The following DMTF1 variants were observed in gnomAD, a reference collection of about 807,000 sequenced individuals.
DMTF1 encodes the protein cyclin-D-binding Myb-like transcription factor 1.
Under a neutral mutation model 91.1 loss-of-function variants are expected in DMTF1, and 39 were observed. The ratio of observed to expected loss-of-function variants is 0.43; its 90% CI spans 0.33 to 0.56. DMTF1 has a LOEUF of 0.56. Among genes scored for constraint, DMTF1 ranks in the 20% least tolerant of loss-of-function variants. The pLI is 0.05. For synonymous variants in DMTF1, 338 were observed against 309.5 expected (o/e 1.09, Z -0.97); for missense variants, 750 against 914.5 (o/e 0.82, Z 2.32).
At chr7:87,166,894 T>C (rs1050486872) in intron 4 of DMTF1, among the ~76,000 whole-genome samples, 1 of 152,164 alleles carries the variant, frequency 6.6e-6, no homozygotes, top group Non-Finnish European at 1.5e-5. Flanking sequence ...AATTACAAAA[T>C]GTCCTCAAAA....
intron 4 of DMTF1, among the ~76,000 whole-genome samples, chr7:87,170,417 A>C (rs983026930): frequency 6.6e-6 from 1 of 152,224 alleles, no homozygotes; most frequent in African/African-American, 2.4e-5. Flanking sequence ...CTTCTGGCTT[A>C]CAAGGGCTTA....
chr7:87,189,469 C>T (rs1799244793), intron 13 of DMTF1, among the ~76,000 whole-genome samples: 1 of 152,078 alleles, frequency 6.6e-6, no homozygotes, highest in African/African-American at 2.4e-5. Flanking sequence ...ATTGATTGGG[C>T]ATGTTAGTTT....
chr7:87,183,521 ATAGGAGAG>A (rs1295903653), intron 10 of DMTF1, among the ~76,000 whole-genome samples: 1 of 152,188 alleles, frequency 6.6e-6, no homozygotes, highest in Admixed American at 6.5e-5. Flanking sequence ...GCATGCTAGA[ATAGGAGAG>A]TAGAACTTTG....
intron 7 of DMTF1, among the ~76,000 whole-genome samples, chr7:87,176,056 G>A (rs2108271): frequency 0.84 from 128,293 of 152,190 alleles, 54,307 homozygotes; most frequent in Middle Eastern, 0.96. Flanking sequence ...GATGGTGTAC[G>A]GTGTTTAACC....
chr7:87,182,271 G>A lies in DMTF1; in HGVS notation c.754G>A (p.Ala252Thr). Residue 252 changes from alanine (A) to threonine (T), a missense_variant, in exon 10 of 18, where the codon GCG (alanine) becomes ACG (threonine). Coordinates refer to ENST00000331242, the MANE Select transcript of DMTF1 (RefSeq NM_001142327.2). ...HGNDWATIGA[A>T]LGRSASSVKD... ...CAATGACTGGGCAACAATAGGGGCG[G>A]CGCTAGGAAGAAGTGCATCTTCTGT... 6.2e-7 allele frequency: 1 copy of A among 1,614,130 alleles called. No homozygotes were observed. Among genetic ancestry groups the A allele is most frequent in the Non-Finnish European group, 8.5e-7 (1 of 1,179,988 alleles).
chr7:87,168,337 T>C (rs992842540), intron 4 of DMTF1, among the ~76,000 whole-genome samples: 1 of 152,160 alleles, frequency 6.6e-6, no homozygotes, highest in Non-Finnish European at 1.5e-5. Context: ...TCTTATTCCT[T>C]TTGTTCTCCA....
chr7:87,161,896 A>G (rs1792524063), intron 1 of DMTF1, among the ~76,000 whole-genome samples: 1 of 152,220 alleles, frequency 6.6e-6, no homozygotes, highest in Admixed American at 6.5e-5. Context: ...ATTTTTTGGG[A>G]AAATATATTG....
chr7:87,189,860 T>A (rs1799340748), intron 13 of DMTF1, among the ~76,000 whole-genome samples: 1 of 152,138 alleles, frequency 6.6e-6, no homozygotes, highest in Admixed American at 6.6e-5. Flanking sequence ...CTAACCTTGA[T>A]TTAGTTTTAT....
intron 11 of DMTF1, chr7:87,184,926 A>G (rs1368703780): frequency 4.0e-6 from 2 of 501,674 alleles, no homozygotes; most frequent in African/African-American, 3.9e-5. Flanking sequence ...TAGCTTTTCC[A>G]CTGTCCCACC....
At chr7:87,182,713 CAGTG>C (rs1797625832) in intron 10 of DMTF1, among the ~76,000 whole-genome samples, 1 of 152,194 alleles carries the variant, frequency 6.6e-6, no homozygotes, top group Non-Finnish European at 1.5e-5. Context: ...AACAGCTAAT[CAGTG>C]AGTGTTTATG....
intron 6 of DMTF1, among the ~76,000 whole-genome samples, chr7:87,174,012 G>A (rs2129108869): frequency 6.6e-6 from 1 of 152,260 alleles, no homozygotes; most frequent in African/African-American, 2.4e-5. Flanking sequence ...AGAGGCTCAA[G>A]GTAACATAGT....
At chr7:87,157,086 A>G (rs191791096) in intron 1 of DMTF1, among the ~76,000 whole-genome samples, 1 of 152,246 alleles carries the variant, frequency 6.6e-6, no homozygotes, top group East Asian at 1.9e-4. Context: ...TAGAAAGAAC[A>G]TGAATGATTT....
chr7:87,187,930 ATGT>A (rs1206498360), intron 12 of DMTF1, 159 bp from the exon 13 acceptor site: 5 of 595,812 alleles, frequency 8.4e-6, no homozygotes, highest in South Asian at 6.5e-5. Flanking sequence ...ATCTCAGGAT[ATGT>A]TGTTTTTTAA....
intron 7 of DMTF1, among the ~76,000 whole-genome samples, chr7:87,176,428 T>G (rs879518531): frequency 1.3e-5 from 2 of 152,216 alleles, no homozygotes; most frequent in African/African-American, 2.4e-5. Context: ...TTAAGCTGGT[T>G]TCTTGTCTAG....
intron 1 of DMTF1, among the ~76,000 whole-genome samples, chr7:87,157,251 A>C (rs1233934427): frequency 6.6e-6 from 1 of 152,150 alleles, no homozygotes; most frequent in Non-Finnish European, 1.5e-5. Context: ...TGTAGCTTGC[A>C]AGATTTCACA....
chr7:87,174,438 A>G (rs1268579968), intron 6 of DMTF1, among the ~76,000 whole-genome samples, 155 bp from the exon 7 acceptor site: 2 of 152,194 alleles, frequency 1.3e-5, no homozygotes, highest in Middle Eastern at 3.2e-3. Context: ...TACAAAAGCA[A>G]GTTTACCTAG....
chr7:87,174,963 GTTTAA>G (rs1260763456), intron 7 of DMTF1, among the ~76,000 whole-genome samples: 1 of 150,754 alleles, frequency 6.6e-6, no homozygotes, highest in African/African-American at 2.4e-5. Context: ...AGCCTATAGA[GTTTAA>G]TTTATTTTGT....
At chr7:87,186,743 C>G (rs1261951820) in intron 12 of DMTF1, 1 of 152,210 alleles carries the variant, frequency 6.6e-6, no homozygotes, top group Non-Finnish European at 1.5e-5. Context: ...TATAGATCAT[C>G]TAGCCTACGT....
intron 1 of DMTF1, among the ~76,000 whole-genome samples, chr7:87,159,709 G>A (rs1317491403): frequency 1.3e-5 from 2 of 152,196 alleles, no homozygotes; most frequent in African/African-American, 2.4e-5. Context: ...GTCATGTGTT[G>A]CTTAATGACA....
Sources: allele counts gnomAD v4.1 joint callset (sites outside exome capture counted in the v4.1 genomes callset), GRCh38; gene constraint gnomAD v4.1.1; transcripts MANE v1.5; gene names NCBI Gene and HGNC (gene_info 2026-07-23, HGNC 2026-07-21).